ASTN2: variants seen among roughly 807,000 people sequenced by gnomAD.
The protein encoded by ASTN2 is astrotactin 2, also known as astrotactin-2.
In ASTN2, 54 loss-of-function variants were observed where a neutral mutation model predicts 139.8. The observed-to-expected ratio is 0.39, with a 90% CI of 0.31 to 0.48. The LOEUF (loss-of-function observed/expected upper bound fraction) is 0.48, where lower values mean the gene tolerates loss of function less well. Among genes scored for constraint, ASTN2 ranks in the 20% least tolerant of loss-of-function variants. ASTN2 has a pLI of 0.95. For synonymous variants in ASTN2, 756 were observed against 719.5 expected, an observed-to-expected ratio of 1.05 and a Z score of -0.81; for missense variants, 1,565 against 1,725.1, an observed-to-expected ratio of 0.91 and a Z score of 1.64.
At chr9:117,298,629 T>C (rs1363104617) in intron 1 of ASTN2, among the ~76,000 whole-genome samples, 1 of 150,674 alleles carries the variant, frequency 6.6e-6, no homozygotes, top group African/African-American at 2.4e-5. Context: ...AGTTATAGTA[T>C]CCTCTTTTAC....
chr9:117,302,547 A>T (rs905614920), intron 1 of ASTN2, among the ~76,000 whole-genome samples: 8 of 152,138 alleles, frequency 5.3e-5, no homozygotes, highest in Non-Finnish European at 1.2e-4. Context: ...ACTCTCCTGA[A>T]GATGCTGCCA....
chr9:116,791,731 GC>G lies in ASTN2; in HGVS notation c.2396+13900del, dbSNP rs1397107026. On this transcript the variant is annotated intron_variant, in intron 13 of 22. Transcript: ENST00000313400. The stretch of plus-strand genomic sequence containing the variant: ...AGCGTTTAGACCAGCCTGAGTTACG[GC>G]CTGCATTTGAGTGTAATGAAATTGC... Among the ~76,000 whole-genome samples, 9 of 152,296 alleles carry G rather than the reference GC, an allele frequency of 5.9e-5. 1 individual carries two copies. The South Asian group carries it at 1.5e-3, about 25-fold the overall frequency.
rs561110995 is a variant in ASTN2, at chr9:116,477,796, G to A, written c.3497+9563C>T. On this transcript the variant is annotated intron_variant, in intron 20 of 22. Transcript: ENST00000313400. ...AGTACTTTGGGAGACCAAGGCAGGT[G>A]GATGGCTTGAGCTCAGAAGTTCAAG... 1.0e-3 allele frequency among the ~76,000 whole-genome samples: 155 copies of A among 148,402 alleles called. 1 individual carries two copies. Among genetic ancestry groups the A allele is most frequent in the African/African-American group, 3.7e-3 (147 of 40,146 alleles).
chr9:117,268,023 T>C (rs1284830568), intron 2 of ASTN2, among the ~76,000 whole-genome samples: 2 of 152,228 alleles, frequency 1.3e-5, no homozygotes, highest in African/African-American at 2.4e-5. Context: ...ATTTGATAAA[T>C]AGTTTCTGCT....
chr9:117,373,337 A>C (rs746123468), intron 1 of ASTN2, among the ~76,000 whole-genome samples: 21 of 152,078 alleles, frequency 1.4e-4, no homozygotes, highest in Non-Finnish European at 2.9e-4. Context: ...ACATTTTATT[A>C]TTTGTTATTT....
chr9:117,065,491 A>G (rs1827908888), intron 5 of ASTN2, among the ~76,000 whole-genome samples: 1 of 152,106 alleles, frequency 6.6e-6, no homozygotes, highest in Admixed American at 6.6e-5. Flanking sequence ...TTAAGTGTGT[A>G]TATCTCCATC....
At chr9:117,070,762 A>T (rs1320987458) in intron 5 of ASTN2, among the ~76,000 whole-genome samples, 2 of 151,168 alleles carry the variant, frequency 1.3e-5, no homozygotes, top group Non-Finnish European at 2.9e-5. Context: ...CATTCATTTC[A>T]TCTTCCATTG....
In ASTN2 at chr9:116,503,554, A is replaced by T. The variant is rs569815716; in HGVS notation, c.3356-16054T>A. On this transcript the variant is annotated intron_variant, in intron 19 of 22. Transcript: ENST00000313400. ...GCTGGTCAGTTTTTCCTACTGTTTA[A>T]TAACTGCCTTGGGTTACACTGAATG... 5.3e-5 allele frequency among the ~76,000 whole-genome samples: 8 copies of T among 152,322 alleles called. No homozygotes were observed. The South Asian group carries it at 1.7e-3, about 32-fold the overall frequency.
intron 5 of ASTN2, among the ~76,000 whole-genome samples, chr9:117,042,705 A>C (rs1485532228): frequency 6.6e-6 from 1 of 152,146 alleles, no homozygotes; most frequent in Non-Finnish European, 1.5e-5. Context: ...TAAACAATCT[A>C]ACATCAACGT....
At chr9:117,406,104 C>T (rs1830978935) in intron 1 of ASTN2, among the ~76,000 whole-genome samples, 1 of 152,166 alleles carries the variant, frequency 6.6e-6, no homozygotes, top group Non-Finnish European at 1.5e-5. Context: ...ATCTCCTGTA[C>T]ACCTACAATG....
At chr9:116,735,050 C>T (rs1360007479) in intron 13 of ASTN2, among the ~76,000 whole-genome samples, 1 of 152,178 alleles carries the variant, frequency 6.6e-6, no homozygotes, top group Non-Finnish European at 1.5e-5. Flanking sequence ...ATATTATTAT[C>T]TTTAAGTTGC....
intron 20 of ASTN2, among the ~76,000 whole-genome samples, chr9:116,484,576 A>G (rs1208801920): frequency 1.3e-5 from 2 of 152,178 alleles, no homozygotes; most frequent in African/African-American, 4.8e-5. Flanking sequence ...GTCAGACTCC[A>G]TGGGAGGAGA....
intron 7 of ASTN2, among the ~76,000 whole-genome samples, chr9:116,999,069 A>T (rs1837106326): frequency 6.6e-6 from 1 of 152,224 alleles, no homozygotes; most frequent in Non-Finnish European, 1.5e-5. Context: ...TGGCTGCTGA[A>T]GACATGGAAA....
intron 19 of ASTN2, among the ~76,000 whole-genome samples, chr9:116,505,351 CCT>C (rs1850063314): frequency 6.6e-6 from 1 of 151,980 alleles, no homozygotes; most frequent in Admixed American, 6.6e-5. Context: ...AGCTCGCCTC[CCT>C]GTTTCCACCT....
At chr9:117,148,998 T>C (rs1411675279) in intron 3 of ASTN2, among the ~76,000 whole-genome samples, 1 of 151,906 alleles carries the variant, frequency 6.6e-6, no homozygotes, top group Non-Finnish European at 1.5e-5. Flanking sequence ...TTCTTTCTTT[T>C]TTTTTTAATT....
chr9:117,408,170 G>T (rs1008158521), intron 1 of ASTN2, among the ~76,000 whole-genome samples: 7 of 151,716 alleles, frequency 4.6e-5, no homozygotes, highest in African/African-American at 1.7e-4. Flanking sequence ...GGCAGGGGGA[G>T]AGGAAAGAGT....
intron 7 of ASTN2, among the ~76,000 whole-genome samples, chr9:116,987,515 G>C (rs1050810513): frequency 2.6e-5 from 4 of 152,082 alleles, no homozygotes; most frequent in Non-Finnish European, 4.4e-5. Flanking sequence ...TTCACCTTCT[G>C]CCATAACTGT....
chr9:116,652,960 T>C (rs1858008451), intron 16 of ASTN2, among the ~76,000 whole-genome samples: 1 of 152,330 alleles, frequency 6.6e-6, no homozygotes, highest in Non-Finnish European at 1.5e-5. Context: ...TCCATTCCAA[T>C]GTTACTGTCT....
chr9:116,723,243 A>G (rs1044877276), intron 16 of ASTN2, among the ~76,000 whole-genome samples: 1 of 152,044 alleles, frequency 6.6e-6, no homozygotes, highest in African/African-American at 2.4e-5. Context: ...AATGCCCACA[A>G]TTTTTACTTT....
Sources: gnomAD v4.1 joint callset for allele counts (sites outside exome capture counted in the v4.1 genomes callset) on GRCh38, gnomAD v4.1.1 for gene constraint, MANE v1.5 for transcripts, NCBI Gene and HGNC (gene_info 2026-07-23, HGNC 2026-07-21) for gene names.